The following TBC1D13 variants were observed in gnomAD, a reference collection of about 807,000 sequenced individuals.
TBC1D13 encodes the protein epididymis secretory sperm binding protein.
TBC1D13 carries 40 observed loss-of-function variants against 53.6 expected under a neutral mutation model. The ratio of observed to expected loss-of-function variants is 0.75; its 90% CI spans 0.58 to 0.97. TBC1D13 has a LOEUF of 0.97. Among genes scored for constraint, TBC1D13 ranks in the 50% least tolerant of loss-of-function variants. The pLI is 0.00. For missense variants in TBC1D13, 377 were observed against 499.4 expected, an observed-to-expected ratio of 0.75 and a Z score of 2.34; for synonymous variants, 182 against 197.7, an observed-to-expected ratio of 0.92 and a Z score of 0.67.
At chr9:128,788,941 G>A (rs1306558979) in intron 2 of TBC1D13, among the ~76,000 whole-genome samples, 1 of 152,188 alleles carries the variant, frequency 6.6e-6, no homozygotes, top group African/African-American at 2.4e-5. Flanking sequence ...TGAGCACAAA[G>A]ATAACTCTCT....
intron 5 of TBC1D13, among the ~76,000 whole-genome samples, chr9:128,792,290 C>T (rs1030627760): frequency 2.6e-5 from 4 of 152,204 alleles, no homozygotes; most frequent in African/African-American, 4.8e-5. Context: ...GCTGGGCTCC[C>T]GGCTGTGGAG....
chr9:128,807,818 A>C lies in TBC1D13; in HGVS notation c.1142A>C (p.Tyr381Ser). ...FTVNMRLLQD[Y>S]PITDVCQILQ... Reference sequence around the variant, plus strand: ...TTGGCCTTTTCCTGTGCCCAGGACTACCCCATCACAGATGTCTGCCAGATC... The same window carrying C: ...TTGGCCTTTTCCTGTGCCCAGGACTCCCCCATCACAGATGTCTGCCAGATC... Residue 381 changes from tyrosine to serine, a missense_variant, in exon 12 of 12, where the codon TAC becomes TCC. Physicochemically the swap from Tyr to Ser is moderately radical, Grantham distance 144. Coordinates refer to ENST00000372648, the MANE Select transcript of TBC1D13 (RefSeq NM_018201.5). 6.2e-7 allele frequency: 1 copy of C among 1,614,050 alleles called. No individual in the cohort carries two copies. Among genetic ancestry groups the C allele is most frequent in the Non-Finnish European group, 8.5e-7 (1 of 1,179,996 alleles).
intron 7 of TBC1D13, 29 bp from the exon 8 acceptor site, chr9:128,803,221 C>T: frequency 6.2e-7 from 1 of 1,603,100 alleles, no homozygotes; most frequent in Non-Finnish European, 8.5e-7. Context: ...CATTGTCTTT[C>T]TTGATGGGCT....
intron 3 of TBC1D13, among the ~76,000 whole-genome samples, chr9:128,791,076 C>T (rs2282394): frequency 0.41 from 61,636 of 151,968 alleles, 12,761 homozygotes; most frequent in East Asian, 0.6. Context: ...GCTCCCAGCT[C>T]AGGTGGCCAT....
chr9:128,787,957 A>G (rs1338826465), intron 1 of TBC1D13, among the ~76,000 whole-genome samples: 2 of 152,110 alleles, frequency 1.3e-5, no homozygotes, highest in Non-Finnish European at 2.9e-5. Context: ...CTGAGGTCCA[A>G]GGAGTTCAGT....
At chr9:128,788,050 T>C (rs1291831832) in intron 1 of TBC1D13, among the ~76,000 whole-genome samples, 1 of 152,224 alleles carries the variant, frequency 6.6e-6, no homozygotes, top group Non-Finnish European at 1.5e-5. Flanking sequence ...TGTTGGAATA[T>C]GTCTAATTTT....
In TBC1D13 at chr9:128,799,474, G is replaced by A. The variant is rs150965125; in HGVS notation, c.543+2260G>A. Reference sequence around the variant, plus strand: ...GAGGATGAAATGAGGTCATGGCTGTGCAGATTCTTCAAAAGCAGAAAGCCC... The same window carrying A: ...GAGGATGAAATGAGGTCATGGCTGTACAGATTCTTCAAAAGCAGAAAGCCC... On this transcript the variant is annotated intron_variant, in intron 7 of 11. Transcript: ENST00000372648. Among the ~76,000 whole-genome samples the A allele has an allele frequency of 4.8e-3, 737 of 152,290 alleles. 5 individuals carry two copies. The highest frequency in any genetic ancestry group is 0.016 in the African/African-American group (667 of 41,574).
chr9:128,806,179 T>C (rs1303563670), intron 10 of TBC1D13, 75 bp from the exon 11 acceptor site: 3 of 1,607,708 alleles, frequency 1.9e-6, no homozygotes, highest in Non-Finnish European at 2.6e-6. Flanking sequence ...TTGAGGTGGG[T>C]AGGGAGGGAG....
intron 11 of TBC1D13, 74 bp downstream of exon 11, chr9:128,806,385 G>T (rs1185371198): frequency 3.6e-5 from 56 of 1,553,434 alleles, no homozygotes; most frequent in Non-Finnish European, 4.8e-5. Flanking sequence ...CACGCCAGCT[G>T]CTGCGACAGG....
chr9:128,789,792 C>T (rs202236963), intron 2 of TBC1D13: 6 of 9,292 alleles, frequency 6.5e-4, no homozygotes, highest in African/African-American at 2.4e-3. Flanking sequence ...GAAAATACAC[C>T]ATATATATAT....
At chr9:128,800,192 G>T (rs892556525) in intron 7 of TBC1D13, among the ~76,000 whole-genome samples, 15 of 152,038 alleles carry the variant, frequency 9.9e-5, no homozygotes, top group Non-Finnish European at 2.9e-5. Flanking sequence ...CACTGCCTGG[G>T]TTCTCGCATA....
intron 7 of TBC1D13, among the ~76,000 whole-genome samples, chr9:128,802,059 C>G (rs895593220): frequency 2.0e-5 from 3 of 146,488 alleles, no homozygotes; most frequent in African/African-American, 7.4e-5. Context: ...CCGCACCCAG[C>G]CTGTTTGTTT....
chr9:128,807,043 G>A (rs1396056567), intron 11 of TBC1D13, among the ~76,000 whole-genome samples: 1 of 151,848 alleles, frequency 6.6e-6, no homozygotes. Flanking sequence ...AGCATCTCTG[G>A]GTCTCAGCTT....
At chr9:128,804,258 T>C in intron 9 of TBC1D13, 139 bp downstream of exon 9, 1 of 998,006 alleles carries the variant, frequency 1.0e-6, no homozygotes, top group South Asian at 1.7e-5. Context: ...CGCTGACCCA[T>C]GTGCTGAGGC....
Position 128,805,675 on chromosome 9 carries a change from G to A in TBC1D13, c.919-184G>A, listed in dbSNP as rs934445104. On this transcript the variant is annotated intron_variant, in intron 9 of 11. Coordinates refer to ENST00000372648, the MANE Select transcript of TBC1D13 (RefSeq NM_018201.5). ...TAGGAAGATCTGAGGATGTTGGCTG[G>A]CAGCAAACAGGCTCCGCCCCTTTAC... is the stretch of plus-strand genomic sequence containing the variant. Among the ~76,000 whole-genome samples, 5 of 152,178 alleles carry A rather than the reference G, an allele frequency of 3.3e-5. 1 individual carries two copies. The highest frequency in any genetic ancestry group is 3.3e-4 in the Admixed American group (5 of 15,276).
At chr9:128,798,355 G>A (rs562227720) in intron 7 of TBC1D13, among the ~76,000 whole-genome samples, 5 of 152,334 alleles carry the variant, frequency 3.3e-5, no homozygotes, top group African/African-American at 1.2e-4. Context: ...GGAGGCCACG[G>A]GGTGGCTAGA....
Position 128,797,059 on chromosome 9 carries a change from T to C in TBC1D13, c.388T>C (p.Leu130=). The C allele has an allele frequency of 6.2e-7, 1 of 1,613,716 alleles. No individual in the cohort carries two copies. ...TTTCCTGTTCCCTCTTGACAGGAGG[T>C]TGTGCCCAGACATTTCCTTCTTCCA... is the stretch of plus-strand genomic sequence containing the variant. ...LLQIDKDVRR[L]CPDISFFQRA... Residue 130 remains leucine (L), a synonymous_variant, in exon 7 of 12, where the codon TTG becomes CTG. Transcript: ENST00000372648.
intron 11 of TBC1D13, 105 bp from the exon 12 acceptor site, chr9:128,807,709 T>G (rs1829862888): frequency 2.5e-6 from 3 of 1,218,044 alleles, no homozygotes; most frequent in Admixed American, 3.4e-5. Context: ...CTCCTGCCCC[T>G]GAGGCCCAGG....
At chr9:128,800,016 G>C (rs987158058) in intron 7 of TBC1D13, among the ~76,000 whole-genome samples, 1 of 152,180 alleles carries the variant, frequency 6.6e-6, no homozygotes, top group Non-Finnish European at 1.5e-5. Context: ...GCGAGACTCC[G>C]TCTCAAAAAT....
Sources: gnomAD v4.1 joint callset for allele counts (sites outside exome capture counted in the v4.1 genomes callset) on GRCh38, gnomAD v4.1.1 for gene constraint, MANE v1.5 for transcripts, NCBI Gene and HGNC (gene_info 2026-07-23, HGNC 2026-07-21) for gene names.